Variants in PLEKHM1 observed in about 807,000 individuals in gnomAD.
PLEKHM1 encodes pleckstrin homology and RUN domain containing M1, also known as pleckstrin homology domain-containing family M member 1.
In PLEKHM1, 28 loss-of-function variants were observed where a neutral mutation model predicts 94.3. The observed-to-expected ratio is 0.30, with a 90% CI of 0.22 to 0.41. PLEKHM1 has a LOEUF of 0.41. Ranked by LOEUF, PLEKHM1 falls within the 10% of genes least tolerant of loss-of-function variation. The pLI is 1.00. For missense variants in PLEKHM1, 907 were observed against 1,358.6 expected (o/e 0.67, Z 5.22); for synonymous variants, 424 against 581.2 (o/e 0.73, Z 3.89).
chr17:45,449,294 C>G (rs1309744828), intron 8 of PLEKHM1, among the ~76,000 whole-genome samples: 1 of 151,702 alleles, frequency 6.6e-6, no homozygotes, highest in Non-Finnish European at 1.5e-5. Context: ...CACCGTCCAC[C>G]CATCTACCCA....
At chr17:45,463,080 T>G in intron 5 of PLEKHM1, among the ~76,000 whole-genome samples, 1 of 141,560 alleles carries the variant, frequency 7.1e-6, no homozygotes, top group African/African-American at 2.7e-5. Flanking sequence ...CACAAGAGTC[T>G]GTGTCAAAAA....
In PLEKHM1 at chr17:45,437,993, C is replaced by G. The variant is rs150872172; in HGVS notation, c.3060-24G>C. On this transcript the variant is annotated intron_variant, in intron 11 of 11. Coordinates refer to ENST00000430334, the MANE Select transcript of PLEKHM1 (RefSeq NM_014798.3). This position sits in a 1 kb window ranked among gnomAD's most constrained non-coding sequence, Gnocchi z 4.0. Reference sequence around the variant, plus strand: ...ACCTGGGGAGAGAGCAGTAGGCCTGCTGGTGCCGGCTGGGCTGGAGGTTGC... The same window carrying G: ...ACCTGGGGAGAGAGCAGTAGGCCTGGTGGTGCCGGCTGGGCTGGAGGTTGC... 3.8e-6 allele frequency: 6 copies of G among 1,579,560 alleles called. No homozygotes were observed. The Admixed American group carries it at 1.0e-4, about 26-fold the overall frequency.
At chr17:45,477,420 C>CG (rs1257763124) in intron 3 of PLEKHM1, 3 of 206,938 alleles carry the variant, frequency 1.4e-5, no homozygotes, top group Non-Finnish European at 2.9e-5. Context: ...AGTGACAGAG[C>CG]GAAACTCCAT....
intron 5 of PLEKHM1, among the ~76,000 whole-genome samples, chr17:45,462,730 A>C (rs1317687689): frequency 2.6e-5 from 4 of 152,218 alleles, no homozygotes; most frequent in African/African-American, 9.7e-5. Flanking sequence ...TTTAACATAA[A>C]ATAACAAAGG....
At chr17:45,478,556 GA>G (rs1176177580) in intron 2 of PLEKHM1, among the ~76,000 whole-genome samples, 1 of 152,108 alleles carries the variant, frequency 6.6e-6, no homozygotes, top group Non-Finnish European at 1.5e-5. Context: ...TTTTTACATG[GA>G]CAAGCTTCTG....
intron 5 of PLEKHM1, among the ~76,000 whole-genome samples, chr17:45,467,380 C>A (rs1040269493): frequency 6.6e-6 from 1 of 152,226 alleles, no homozygotes; most frequent in African/African-American, 2.4e-5. Flanking sequence ...TTTAAGTGTT[C>A]AACAGCCACA....
At chr17:45,472,195 C>T (rs1332500737) in intron 4 of PLEKHM1, among the ~76,000 whole-genome samples, 1 of 152,130 alleles carries the variant, frequency 6.6e-6, no homozygotes, top group African/African-American at 2.4e-5. Context: ...GAAATATACA[C>T]TTCAAGAAAT....
At position 45,475,499 on chromosome 17, in the gene PLEKHM1, G is replaced by C; in HGVS notation, c.524C>G (p.Ser175Cys). The C allele has an allele frequency of 6.2e-7, 1 of 1,612,120 alleles. No homozygotes were observed. The highest frequency in any genetic ancestry group is 1.3e-5 in the African/African-American group (1 of 74,988). Residue 175 changes from serine (S) to cysteine (C), a missense_variant, in exon 4 of 12, where the codon TCC becomes TGC. This residue lies in a region of PLEKHM1 where 176 missense variants were observed against 306.0 expected (regional missense o/e 0.58). Transcript: ENST00000430334. Reference protein sequence around the residue: ...LSFLQGLTSLSFELSYKSAIL... With the variant: ...LSFLQGLTSLCFELSYKSAIL... The stretch of plus-strand genomic sequence containing the variant: ...GGCAGACTTGTAGGAGAGTTCGAAG[G>C]ACAAGGACGTGAGGCCCTGCAGGAA...
chr17:45,440,490 A>T lies in PLEKHM1; in HGVS notation c.2838-264T>A, dbSNP rs73307523. The T allele has an allele frequency of 2.3e-3, 1,339 of 593,766 alleles. 14 individuals carry two copies. In the African/African-American group the frequency reaches 0.023, roughly 10 times the overall value. The allele number at this position is 593,766 out of a possible 1,614,324, so 36.8% of individuals were successfully genotyped here. Reference sequence around the variant, plus strand: ...CTGGGAAATGGAGTTGTCTGGATTAAGTAACTTATTTAAAGCATTTGGCTT... The same window carrying T: ...CTGGGAAATGGAGTTGTCTGGATTATGTAACTTATTTAAAGCATTTGGCTT... On this transcript the variant is annotated intron_variant, in intron 9 of 11. Transcript: ENST00000430334.
Position 45,468,264 on chromosome 17 carries a change from G to A in PLEKHM1, c.1253C>T (p.Ala418Val), listed in dbSNP as rs748435010. The stretch of plus-strand genomic sequence containing the variant: ...CAGACCAGCTCCGTCATGAGCCTGG[G>A]CCTTCTGCAGGCCATTCCCTTGGCC... ...EVGQGNGLQKAQAHDGAGLKL... is the reference protein window; with the variant it reads ...EVGQGNGLQKVQAHDGAGLKL... Residue 418 changes from alanine to valine, a missense_variant, in exon 5 of 12, where the codon GCC (alanine) becomes GTC (valine). Transcript: ENST00000430334. 6.2e-7 allele frequency: 1 copy of A among 1,613,134 alleles called. No individual in the cohort carries two copies. Among genetic ancestry groups the A allele is most frequent in the Middle Eastern group, 1.7e-4 (1 of 5,766 alleles).
At position 45,478,059 on chromosome 17, in the gene PLEKHM1, T is replaced by C; in HGVS notation, c.137A>G (p.Asp46Gly). 6.2e-7 allele frequency: 1 copy of C among 1,614,214 alleles called. No homozygotes were observed. The highest frequency in any genetic ancestry group is 8.5e-7 in the Non-Finnish European group (1 of 1,180,044). Reference sequence around the variant, plus strand: ...CAGGGCGCTGCACATGGTGTTGGCATCTCCGTCTTCACTAGTGACCACCGT... The same window carrying C: ...CAGGGCGCTGCACATGGTGTTGGCACCTCCGTCTTCACTAGTGACCACCGT... The part of the protein sequence containing the change: ...LDTVVTSEDG[D>G]ANTMCSALEA... The change falls in exon 3 of 12, where the codon GAT (aspartate) becomes GGT (glycine). Residue 46 changes from aspartate to glycine, a missense_variant. Physicochemically the swap from Asp to Gly is moderately conservative, Grantham distance 94. Around this residue, in one of 3 missense-constraint regions of PLEKHM1, gnomAD observed 176 missense variants for 306.0 expected, o/e 0.58. Coordinates refer to ENST00000430334, the MANE Select transcript of PLEKHM1 (RefSeq NM_014798.3).
At position 45,450,529 on chromosome 17, in the gene PLEKHM1, A is replaced by G. The variant is rs1399523384; in HGVS notation, c.2643+89T>C. The G allele has an allele frequency of 4.6e-6, 7 of 1,519,142 alleles. No homozygotes were observed. The African/African-American group carries it at 9.6e-5, about 21-fold the overall frequency. The allele number at this position is 1,519,142 out of a possible 1,614,324, so 94.1% of individuals were successfully genotyped here. On this transcript the variant is annotated intron_variant, in intron 8 of 11. Transcript: ENST00000430334. ...TGGCTTCCCTTGTTTAGAGGAGCCA[A>G]ACTCCTCTAAACAGATGAACAGCAG...
chr17:45,440,340 G>T, intron 9 of PLEKHM1, 114 bp from the exon 10 acceptor site: 1 of 1,042,738 alleles, frequency 9.6e-7, no homozygotes, highest in Non-Finnish European at 1.5e-6. Flanking sequence ...CCCCGCCTGG[G>T]CGGGGCAGGG....
At chr17:45,486,216 C>CAA (rs1214022191) in intron 1 of PLEKHM1, among the ~76,000 whole-genome samples, 23 of 79,912 alleles carry the variant, frequency 2.9e-4, no homozygotes, top group African/African-American at 9.7e-4. Flanking sequence ...GACTCCGTCT[C>CAA]AAAAAAAAAA....
Position 45,453,756 on chromosome 17 carries a change from A to G in PLEKHM1, c.2096T>C (p.Met699Thr). ...CAAGGACAGAGAAAATATATAGGGC[A>G]TCCAGGTCCTGTCCATGTACAAGTA... ...LLYLYMDRTWMPYIFSLSLEA... is the reference protein window; with the variant it reads ...LLYLYMDRTWTPYIFSLSLEA... The change falls in exon 7 of 12, where the codon ATG (methionine) becomes ACG (threonine). Residue 699 changes from methionine to threonine, a missense_variant. Coordinates refer to ENST00000430334, the MANE Select transcript of PLEKHM1 (RefSeq NM_014798.3). This position sits in a 1 kb window ranked among gnomAD's most constrained non-coding sequence, Gnocchi z 4.1. 1.2e-6 allele frequency: 2 copies of G among 1,613,984 alleles called. No homozygotes were observed. The highest frequency in any genetic ancestry group is 1.7e-6 in the Non-Finnish European group (2 of 1,179,860).
chr17:45,479,645 C>T (rs894839762), intron 2 of PLEKHM1, among the ~76,000 whole-genome samples: 17 of 152,100 alleles, frequency 1.1e-4, no homozygotes, highest in Non-Finnish European at 1.5e-5. Context: ...AAAATCGTGC[C>T]ACTGCATTCC....
chr17:45,462,898 A>G (rs942331341), intron 5 of PLEKHM1, among the ~76,000 whole-genome samples: 29 of 152,084 alleles, frequency 1.9e-4, no homozygotes, highest in African/African-American at 6.8e-4. Flanking sequence ...CCTGGCCAAC[A>G]TGGAGAAACC....
At chr17:45,466,867 C>T (rs2051335022) in intron 5 of PLEKHM1, among the ~76,000 whole-genome samples, 1 of 152,100 alleles carries the variant, frequency 6.6e-6, no homozygotes, top group African/African-American at 2.4e-5. Context: ...AAGGACCTAG[C>T]AATTCCATTC....
rs1479000354 is a variant in PLEKHM1 at position 45,453,013 on chromosome 17, C to T, written c.2497+342G>A. On this transcript the variant is annotated intron_variant, in intron 7 of 11. Coordinates refer to ENST00000430334, the MANE Select transcript of PLEKHM1 (RefSeq NM_014798.3). The surrounding 1 kb of genome is among the most constrained non-coding windows in gnomAD (Gnocchi z 4.1). ...GCAGCAGAAATATTTGGAAGGAAAC[C>T]ATGCCCCTGCTCTGAAAGAACAGGA... 2 of 504,284 alleles carry T rather than the reference C, an allele frequency of 4.0e-6. No homozygotes were observed. Among genetic ancestry groups the T allele is most frequent in the South Asian group, 2.3e-5 (1 of 44,004 alleles). 31.2% of individuals were successfully genotyped at this position (504,284 alleles called of 1,614,324 possible). A position where few individuals can be genotyped will look rare whatever the true frequency, so the allele number is the denominator to read the frequency against.
Sources: allele counts gnomAD v4.1 joint callset (sites outside exome capture counted in the v4.1 genomes callset), GRCh38; gene constraint gnomAD v4.1.1; regional missense constraint gnomAD v4.1.1; non-coding constraint Gnocchi (gnomAD v3.1); transcripts MANE v1.5; gene names NCBI Gene and HGNC (gene_info 2026-07-23, HGNC 2026-07-21).